Variants in CREB3L2 observed in about 807,000 individuals in gnomAD.
CREB3L2 encodes cyclic AMP-responsive element-binding protein 3-like protein 2.
In CREB3L2, 23 loss-of-function variants were observed where a neutral mutation model predicts 57.2. The observed-to-expected ratio is 0.40, with a 90% CI of 0.29 to 0.57. The LOEUF is 0.57. Among genes scored for constraint, CREB3L2 ranks in the 20% least tolerant of loss-of-function variants. CREB3L2 has a pLI of 0.42. For missense variants in CREB3L2, 628 were observed against 634.7 expected (o/e 0.99, Z 0.11); for synonymous variants, 268 against 265.1 (o/e 1.01, Z -0.11).
rs764567758 is a variant in CREB3L2 at position 137,904,026 on chromosome 7, G to A, written c.916-9C>T. On this transcript the variant is annotated splice_polypyrimidine_tract_variant and intron_variant, in intron 6 of 11. Transcript: ENST00000330387. ...CTTTCCTGAGCAGAAATCTGAGAGA[G>A]AGGAGTGGGAGGAGAATGATTAATT... The A allele has an allele frequency of 6.2e-7, 1 of 1,604,194 alleles. No individual in the cohort carries two copies. Among genetic ancestry groups the A allele is most frequent in the East Asian group, 2.2e-5 (1 of 44,846 alleles).
chr7:137,897,417 T>C (rs1799651337), intron 8 of CREB3L2, among the ~76,000 whole-genome samples: 1 of 152,188 alleles, frequency 6.6e-6, no homozygotes, highest in Non-Finnish European at 1.5e-5. Flanking sequence ...TCGCCCAGGC[T>C]GGAGTGCAAT....
chr7:137,978,670 A>C (rs958273613), intron 1 of CREB3L2, among the ~76,000 whole-genome samples: 1 of 152,138 alleles, frequency 6.6e-6, no homozygotes, highest in African/African-American at 2.4e-5. Context: ...AAGCTGAGTG[A>C]CTCAGTGTGC....
chr7:137,924,059 G>A (rs1800392288), intron 2 of CREB3L2, among the ~76,000 whole-genome samples: 2 of 152,224 alleles, frequency 1.3e-5, no homozygotes, highest in South Asian at 4.1e-4. Context: ...TGAGAACACA[G>A]CTCCATAAAT....
intron 1 of CREB3L2, among the ~76,000 whole-genome samples, chr7:137,989,432 G>GTTTTTTTTTTTTTTTTT (rs33944427): frequency 1.9e-5 from 2 of 106,030 alleles, no homozygotes; most frequent in Non-Finnish European, 1.8e-5. Context: ...CTTTTCTCCA[G>GTTTTTTTTTTTTTTTTT]TTTTTTTTTT....
rs528101103 is a variant in CREB3L2, at chr7:137,997,165, C to G, written c.102+4439G>C. Among the ~76,000 whole-genome samples the G allele has an allele frequency of 2.6e-5, 4 of 152,232 alleles. No homozygotes were observed. The South Asian group carries it at 8.3e-4, about 32-fold the overall frequency. The stretch of plus-strand genomic sequence containing the variant: ...TGAAGCTCCCTTTTTCCCCCAAGAA[C>G]ACTTGGTTGAAAATTACCTCTAGTC... On this transcript the variant is annotated intron_variant, in intron 1 of 11. Transcript: ENST00000330387.
At chr7:137,971,486 T>C (rs1455571640) in intron 1 of CREB3L2, among the ~76,000 whole-genome samples, 1 of 151,986 alleles carries the variant, frequency 6.6e-6, no homozygotes, top group Non-Finnish European at 1.5e-5. Context: ...GGGGAGACAT[T>C]GTATGAAGGA....
chr7:137,972,724 TATATATATATATAGAGAGAG>T lies in CREB3L2; in HGVS notation c.102+28860_102+28879del, dbSNP rs1473263599. On this transcript the variant is annotated intron_variant, in intron 1 of 11. Transcript: ENST00000330387. ...AAAAAAAAAAAAAAATATATATATA[TATATATATATATAGAGAGAG>T]AGAGAGAGAGAGAGAGAGAGAGAGA... Among the ~76,000 whole-genome samples, 92 of 22,452 alleles carry T rather than the reference TATATATATATATAGAGAGAG, an allele frequency of 4.1e-3. 2 individuals carry two copies. Among genetic ancestry groups the T allele is most frequent in the African/African-American group, 0.029 (89 of 3,052 alleles). The allele number at this position is 22,452 out of a possible 152,430, so 14.7% of individuals were successfully genotyped here.
chr7:137,988,309 G>C (rs1222172335), intron 1 of CREB3L2, among the ~76,000 whole-genome samples: 2 of 152,268 alleles, frequency 1.3e-5, no homozygotes, highest in African/African-American at 4.8e-5. Flanking sequence ...TGGCCAGAGT[G>C]CCTTTGCGGG....
intron 1 of CREB3L2, among the ~76,000 whole-genome samples, chr7:137,963,675 T>C (rs1028727863): frequency 6.6e-6 from 1 of 152,226 alleles, no homozygotes; most frequent in Non-Finnish European, 1.5e-5. Context: ...TCTCTGGCCA[T>C]GGAGCTTACC....
chr7:137,946,317 G>A (rs1800973551), intron 1 of CREB3L2, among the ~76,000 whole-genome samples: 1 of 151,946 alleles, frequency 6.6e-6, no homozygotes, highest in Non-Finnish European at 1.5e-5. Context: ...ATTATCCTGA[G>A]CGGGTCTGAT....
At chr7:137,957,127 C>A (rs994268558) in intron 1 of CREB3L2, among the ~76,000 whole-genome samples, 2 of 152,044 alleles carry the variant, frequency 1.3e-5, no homozygotes, top group African/African-American at 4.8e-5. Context: ...CTGAACACAG[C>A]GCTCATCACT....
chr7:137,998,619 C>T (rs13240845), intron 1 of CREB3L2, among the ~76,000 whole-genome samples: 22 of 152,238 alleles, frequency 1.4e-4, no homozygotes, highest in African/African-American at 4.3e-4. Flanking sequence ...CTTAAACTCA[C>T]GAAGCCTCAT....
chr7:137,988,903 G>A (rs1016780830), intron 1 of CREB3L2, among the ~76,000 whole-genome samples: 2 of 150,576 alleles, frequency 1.3e-5, no homozygotes, highest in Non-Finnish European at 2.9e-5. Flanking sequence ...AGATCAGCCT[G>A]GGCAACATAG....
chr7:137,958,330 G>A (rs1045474492), intron 1 of CREB3L2, among the ~76,000 whole-genome samples: 3 of 152,070 alleles, frequency 2.0e-5, no homozygotes, highest in African/African-American at 4.8e-5. Flanking sequence ...CTACTGTCTT[G>A]GGAGAAATAT....
intron 1 of CREB3L2, among the ~76,000 whole-genome samples, chr7:137,932,061 C>T (rs1236723233): frequency 1.3e-5 from 2 of 152,192 alleles, no homozygotes; most frequent in East Asian, 3.8e-4. Context: ...CCTTTTACTA[C>T]ATATGCATGT....
At chr7:137,945,212 T>C (rs1800950510) in intron 1 of CREB3L2, among the ~76,000 whole-genome samples, 1 of 152,354 alleles carries the variant, frequency 6.6e-6, no homozygotes, top group Admixed American at 6.5e-5. Flanking sequence ...TAACTTTTAA[T>C]TGAAAGTAGA....
At chr7:137,927,085 G>T (rs1390237535) in intron 2 of CREB3L2, among the ~76,000 whole-genome samples, 2 of 152,046 alleles carry the variant, frequency 1.3e-5, no homozygotes, top group Admixed American at 6.6e-5. Flanking sequence ...TGAGAGCCCA[G>T]GAGGTCAAGG....
At chr7:138,000,950 T>C (rs554922933) in intron 1 of CREB3L2, among the ~76,000 whole-genome samples, 1 of 152,276 alleles carries the variant, frequency 6.6e-6, no homozygotes, top group Middle Eastern at 3.4e-3. Context: ...TTCTTAAATA[T>C]GCAACTGTCT....
At chr7:137,967,952 A>G (rs1246805803) in intron 1 of CREB3L2, among the ~76,000 whole-genome samples, 1 of 152,112 alleles carries the variant, frequency 6.6e-6, no homozygotes, top group Non-Finnish European at 1.5e-5. Flanking sequence ...ATTATCCCTA[A>G]TCCTCAACAC....
Sources: allele counts gnomAD v4.1 joint callset (sites outside exome capture counted in the v4.1 genomes callset), GRCh38; gene constraint gnomAD v4.1.1; transcripts MANE v1.5; gene names NCBI Gene and HGNC (gene_info 2026-07-23, HGNC 2026-07-21).